The following KNL1 variants were observed in gnomAD, a reference collection of about 807,000 sequenced individuals.
KNL1 encodes outer kinetochore KNL1 complex subunit KNL1.
In KNL1, 66 loss-of-function variants were observed where a neutral mutation model predicts 201.3. That is an observed-to-expected ratio of 0.33 (90% CI 0.27 to 0.40). The LOEUF is 0.40. Ranked by LOEUF, KNL1 falls within the 10% of genes least tolerant of loss-of-function variation. KNL1 has a pLI of 1.00. For synonymous variants in KNL1, 895 were observed against 899.2 expected (o/e 1.00, Z 0.08); for missense variants, 2,815 against 2,690.5 (o/e 1.05, Z -1.02).
In KNL1 at chr15:40,657,161, G is replaced by C; in HGVS notation, c.6594+10G>C. 1 of 1,516,224 alleles carries C rather than the reference G, an allele frequency of 6.6e-7. No homozygotes were observed. Among genetic ancestry groups the C allele is most frequent in the Non-Finnish European group, 9.0e-7 (1 of 1,107,464 alleles). The allele number at this position is 1,516,224 out of a possible 1,614,324, so 93.9% of individuals were successfully genotyped here. On this transcript the variant is annotated intron_variant, in intron 23 of 25. Transcript: ENST00000399668. ...GCATCAGTTACCCAAGGTAAAGCCCGATTGAAGTATTTAAAGGAAAATTTG... is the reference window on the plus strand; with the variant it reads ...GCATCAGTTACCCAAGGTAAAGCCCCATTGAAGTATTTAAAGGAAAATTTG...
At chr15:40,614,575 C>T (rs968392427) in intron 7 of KNL1, among the ~76,000 whole-genome samples, 11 of 152,210 alleles carry the variant, frequency 7.2e-5, no homozygotes, top group African/African-American at 2.7e-4. Flanking sequence ...CAGATAACCA[C>T]TGTTGACAAT....
Position 40,621,266 on chromosome 15 carries a change from T to C in KNL1, c.1002T>C (p.Gly334=). The change falls in exon 10 of 26, where the codon GGT becomes GGC. Residue 334 remains glycine, a synonymous_variant. Transcript: ENST00000399668. ...NHTLQILPAT[G]NFSEIENQTQ... is the part of the protein sequence containing the mutation. ...CTTTGCAGATCTTACCTGCAACAGGTAATTTTTCTGAAATAGAAAATCAAA... is the reference window on the plus strand; with the variant it reads ...CTTTGCAGATCTTACCTGCAACAGGCAATTTTTCTGAAATAGAAAATCAAA... 9 of 1,614,020 alleles carry C rather than the reference T, an allele frequency of 5.6e-6. No individual in the cohort carries two copies. Among genetic ancestry groups the C allele is most frequent in the East Asian group, 2.2e-5 (1 of 44,866 alleles).
chr15:40,654,648 T>A (rs1200694232), intron 21 of KNL1, among the ~76,000 whole-genome samples: 1 of 150,726 alleles, frequency 6.6e-6, no homozygotes, highest in Non-Finnish European at 1.5e-5. Context: ...GGTAGGCGGA[T>A]CACGAGGTCA....
rs1275172651 is a variant in KNL1 at position 40,663,010 on chromosome 15, C to T, written c.*822C>T. 1.1e-5 allele frequency: 2 copies of T among 179,556 alleles called. No homozygotes were observed. Among genetic ancestry groups the T allele is most frequent in the Non-Finnish European group, 2.4e-5 (2 of 83,942 alleles). The allele number at this position is 179,556 out of a possible 1,614,324, so 11.1% of individuals were successfully genotyped here. A position where few individuals can be genotyped will look rare whatever the true frequency, so the allele number is the denominator to read the frequency against. On this transcript the variant is annotated 3_prime_UTR_variant, in exon 26 of 26. Coordinates refer to ENST00000399668, the MANE Select transcript of KNL1 (RefSeq NM_144508.5). ...TAGCACTCAGCTATTGAAATGGTTG[C>T]CATCTTTTTTTGAAGGCCTTGCTTT...
intron 1 of KNL1, among the ~76,000 whole-genome samples, chr15:40,598,078 G>A (rs193153434): frequency 0.011 from 1,603 of 151,644 alleles, 22 homozygotes; most frequent in Middle Eastern, 0.02. Flanking sequence ...GGTGAGGCAG[G>A]AAGGAGAATC....
chr15:40,651,293 TA>T (rs1567021085), intron 19 of KNL1, among the ~76,000 whole-genome samples, 177 bp from the exon 20 acceptor site: 13 of 106,998 alleles, frequency 1.2e-4, no homozygotes, highest in Non-Finnish European at 2.6e-4. Context: ...TTAATGCTTA[TA>T]TAAAAAAAAA....
chr15:40,661,838 C>T (rs182833289), intron 25 of KNL1, among the ~76,000 whole-genome samples: 3 of 151,920 alleles, frequency 2.0e-5, no homozygotes, highest in South Asian at 2.1e-4. Context: ...GCCAGGAGAT[C>T]GAGACCATCC....
At chr15:40,600,012 C>A (rs1891740603) in intron 1 of KNL1, among the ~76,000 whole-genome samples, 4 of 151,464 alleles carry the variant, frequency 2.6e-5, no homozygotes, top group Admixed American at 2.0e-4. Context: ...ACCAACATGA[C>A]CGTGATATAT....
At chr15:40,661,672 T>C (rs1893912793) in intron 25 of KNL1, among the ~76,000 whole-genome samples, 1 of 152,196 alleles carries the variant, frequency 6.6e-6, no homozygotes, top group Non-Finnish European at 1.5e-5. Context: ...AAATGCTCAT[T>C]TGTGCTTCCT....
Position 40,647,019 on chromosome 15 carries a change from T to C in KNL1, c.6039T>C (p.Asp2013=). The C allele has an allele frequency of 1.3e-6, 2 of 1,517,582 alleles. No homozygotes were observed. The highest frequency in any genetic ancestry group is 1.8e-6 in the Non-Finnish European group (2 of 1,092,698). The allele number at this position is 1,517,582 out of a possible 1,614,324, so 94.0% of individuals were successfully genotyped here. ...GGGAGAAACTTCAAATAAAGATAGA[T>C]GAGATGGATAAAATACTTAAGAAGA... ...NEREKLQIKI[D]EMDKILKKID... is the part of the protein sequence containing the mutation. The change falls in exon 17 of 26, where the codon GAT becomes GAC. Residue 2013 remains aspartate (D), a synonymous_variant. Coordinates refer to ENST00000399668, the MANE Select transcript of KNL1 (RefSeq NM_144508.5).
At chr15:40,628,011 T>A in intron 10 of KNL1, 59 bp from the exon 11 acceptor site, 1 of 1,132,190 alleles carries the variant, frequency 8.8e-7, no homozygotes, top group Non-Finnish European at 1.2e-6. Context: ...TGTTAGTGTT[T>A]GTCGTAAGTA....
chr15:40,649,106 G>C (rs1413969783), intron 17 of KNL1, among the ~76,000 whole-genome samples: 1 of 150,090 alleles, frequency 6.7e-6, no homozygotes, highest in African/African-American at 2.5e-5. Context: ...CCAAAGTGCT[G>C]GGATTACGGG....
intron 14 of KNL1, 59 bp downstream of exon 14, chr15:40,641,086 T>C: frequency 5.2e-6 from 6 of 1,165,012 alleles, no homozygotes; most frequent in African/African-American, 1.5e-5. Context: ...GTTAATAGTT[T>C]GTGTGGTAAG....
At position 40,621,891 on chromosome 15, in the gene KNL1, T is replaced by C. The variant is rs1251633945; in HGVS notation, c.1627T>C (p.Ser543Pro). The change falls in exon 10 of 26, where the codon TCT becomes CCT. Residue 543 changes from serine to proline, a missense_variant. This residue lies in a region of KNL1 where 2,464 missense variants were observed against 2,291.7 expected (regional missense o/e 1.08). Transcript: ENST00000399668. ...AAATTGTAACTCAGTTCCTCATGTATCTAAGGAAAGAATACAGCAGAGCCT... is the reference window on the plus strand; with the variant it reads ...AAATTGTAACTCAGTTCCTCATGTACCTAAGGAAAGAATACAGCAGAGCCT... Reference protein sequence around the residue: ...NVNCNSVPHVSKERIQQSLSN... With the variant: ...NVNCNSVPHVPKERIQQSLSN... 1 of 1,613,886 alleles carries C rather than the reference T, an allele frequency of 6.2e-7. No homozygotes were observed. Among genetic ancestry groups the C allele is most frequent in the Admixed American group, 1.7e-5 (1 of 59,986 alleles).
In KNL1 at chr15:40,662,190, C is replaced by CTGTTTCAGGACTG. The variant is rs533864270; in HGVS notation, c.*2_*3insTGTTTCAGGACTG. 2.6e-4 allele frequency: 397 copies of CTGTTTCAGGACTG among 1,505,118 alleles called. 1 individual carries two copies. In the African/African-American group the frequency reaches 5.1e-3, roughly 20 times the overall value. 93.2% of individuals were successfully genotyped at this position (1,505,118 alleles called of 1,614,324 possible). ...CAGGACTGCCATTTCTACCACTAGA[C>CTGTTTCAGGACTG]CCTTGGACCACCATTGGAACAACCA... On this transcript the variant is annotated 3_prime_UTR_variant, in exon 26 of 26. Transcript: ENST00000399668.
At chr15:40,661,249 T>C (rs962963950) in intron 25 of KNL1, among the ~76,000 whole-genome samples, 5 of 152,006 alleles carry the variant, frequency 3.3e-5, no homozygotes, top group Non-Finnish European at 5.9e-5. Flanking sequence ...TCCCAGCACT[T>C]TTGGAGGCCG....
rs1386554495 is a variant in KNL1, at chr15:40,655,011, GT to G, written c.6484+36del. On this transcript the variant is annotated intron_variant, in intron 22 of 25. Coordinates refer to ENST00000399668, the MANE Select transcript of KNL1 (RefSeq NM_144508.5). ...AAAACATTTAAGCCTCTAAAAATTT[GT>G]TGGGGCTGGGCACTATGGCTCATGC... is the stretch of plus-strand genomic sequence containing the variant. The G allele has an allele frequency of 2.6e-6, 4 of 1,545,886 alleles. No homozygotes were observed. The South Asian group carries it at 4.5e-5, about 17-fold the overall frequency.
intron 4 of KNL1, among the ~76,000 whole-genome samples, chr15:40,608,370 G>T (rs1231800813): frequency 6.7e-6 from 1 of 150,060 alleles, no homozygotes; most frequent in Non-Finnish European, 1.5e-5. Context: ...AGAGGCAGAG[G>T]TTGCAGTGAA....
intron 13 of KNL1, among the ~76,000 whole-genome samples, chr15:40,636,602 G>A (rs1248531063): frequency 2.0e-5 from 3 of 152,090 alleles, no homozygotes; most frequent in Non-Finnish European, 4.4e-5. Flanking sequence ...GCCTAGGCAG[G>A]AGGATCACTT....
Sources: gnomAD v4.1 joint callset for allele counts (sites outside exome capture counted in the v4.1 genomes callset) on GRCh38, gnomAD v4.1.1 for gene constraint, gnomAD v4.1.1 regional missense constraint, MANE v1.5 for transcripts, NCBI Gene and HGNC (gene_info 2026-07-23, HGNC 2026-07-21) for gene names.